Variants in SPIDR observed in about 807,000 individuals in gnomAD.
SPIDR encodes DNA repair-scaffolding protein.
Under a neutral mutation model 104.6 loss-of-function variants are expected in SPIDR, and 93 were observed. That is an observed-to-expected ratio of 0.89 (90% CI 0.75 to 1.06). SPIDR has a LOEUF of 1.06. SPIDR is among the 50% of genes least tolerant of loss of function. The pLI is 0.00. For missense variants in SPIDR, 1,154 were observed against 1,111.2 expected (o/e 1.04, Z -0.55); for synonymous variants, 431 against 416.9 (o/e 1.03, Z -0.41).
chr8:47,479,185 C>T (rs1204475028), intron 8 of SPIDR, among the ~76,000 whole-genome samples: 2 of 151,758 alleles, frequency 1.3e-5, no homozygotes, highest in Non-Finnish European at 1.5e-5. Flanking sequence ...ATGGTAAAAC[C>T]CTGTCTCTAC....
intron 8 of SPIDR, among the ~76,000 whole-genome samples, chr8:47,585,246 T>G (rs2060144272): frequency 6.6e-6 from 1 of 152,142 alleles, no homozygotes; most frequent in African/African-American, 2.4e-5. Context: ...AAAACTTAAG[T>G]TTGTGTAACT....
At chr8:47,319,168 A>G (rs1042635744) in intron 5 of SPIDR, among the ~76,000 whole-genome samples, 2 of 152,238 alleles carry the variant, frequency 1.3e-5, no homozygotes, top group Admixed American at 1.3e-4. Context: ...TAAAGAGTCA[A>G]GACCCATCAG....
chr8:47,610,014 C>A (rs900285526), intron 10 of SPIDR, among the ~76,000 whole-genome samples: 1 of 152,142 alleles, frequency 6.6e-6, no homozygotes, highest in African/African-American at 2.4e-5. Flanking sequence ...TATGTGTAAC[C>A]ACCATTCTAA....
intron 5 of SPIDR, among the ~76,000 whole-genome samples, chr8:47,361,576 G>T (rs1377003593): frequency 1.3e-5 from 2 of 152,216 alleles, no homozygotes; most frequent in African/African-American, 4.8e-5. Context: ...TACAGCAGCT[G>T]GGAACTTGTC....
intron 5 of SPIDR, among the ~76,000 whole-genome samples, chr8:47,298,920 T>G (rs1460391234): frequency 6.6e-6 from 1 of 152,232 alleles, no homozygotes; most frequent in African/African-American, 2.4e-5. Context: ...TGGCTTAGGA[T>G]TGACTTGGCA....
intron 10 of SPIDR, among the ~76,000 whole-genome samples, chr8:47,610,593 G>A (rs752347367): frequency 2.6e-5 from 4 of 152,202 alleles, no homozygotes; most frequent in African/African-American, 4.8e-5. Context: ...GCCAGCTGGC[G>A]GGTTTGGTAG....
intron 8 of SPIDR, among the ~76,000 whole-genome samples, chr8:47,448,376 T>C (rs1399299409): frequency 6.6e-6 from 1 of 152,228 alleles, no homozygotes; most frequent in East Asian, 1.9e-4. Context: ...TGTTGATTTG[T>C]ACATTCATTT....
chr8:47,452,227 T>C (rs1242798650), intron 8 of SPIDR, among the ~76,000 whole-genome samples: 5 of 152,096 alleles, frequency 3.3e-5, no homozygotes, highest in African/African-American at 1.2e-4. Context: ...GCTTATTTCT[T>C]ATCAGAAACT....
intron 10 of SPIDR, among the ~76,000 whole-genome samples, chr8:47,669,645 T>C (rs891932421): frequency 1.1e-4 from 16 of 152,146 alleles, no homozygotes; most frequent in African/African-American, 3.1e-4. Flanking sequence ...ATCAAAAATA[T>C]AGAAACTTTG....
At chr8:47,574,274 TG>T (rs551609587) in intron 8 of SPIDR, among the ~76,000 whole-genome samples, 98 of 152,384 alleles carry the variant, frequency 6.4e-4, no homozygotes, top group African/African-American at 2.3e-3. Flanking sequence ...CATAAATTTT[TG>T]ACTGGAAGTT....
chr8:47,619,821 CTA>C (rs1437688455), intron 10 of SPIDR, among the ~76,000 whole-genome samples: 2 of 152,056 alleles, frequency 1.3e-5, no homozygotes, highest in Admixed American at 1.3e-4. Context: ...AAGAGCAACT[CTA>C]TTAATATTAG....
chr8:47,683,058 C>T (rs999994392), intron 11 of SPIDR, among the ~76,000 whole-genome samples: 1 of 152,176 alleles, frequency 6.6e-6, no homozygotes, highest in Non-Finnish European at 1.5e-5. Context: ...AACCACAAAC[C>T]GTCTGAGAGA....
rs192922231 is a variant in SPIDR at position 47,635,404 on chromosome 8, A to G, written c.1544+36208A>G. On this transcript the variant is annotated intron_variant, in intron 10 of 19. Transcript: ENST00000297423. ...TATTTGTAAAACAATGAAAGGATAA[A>G]TGCTTGAGGGATACCCCATCTACCC... 2.0e-4 allele frequency among the ~76,000 whole-genome samples: 31 copies of G among 152,298 alleles called. No individual in the cohort carries two copies. The East Asian group carries it at 5.8e-3, about 28-fold the overall frequency.
chr8:47,553,865 C>T (rs2090942901), intron 8 of SPIDR, among the ~76,000 whole-genome samples: 1 of 152,158 alleles, frequency 6.6e-6, no homozygotes, highest in Non-Finnish European at 1.5e-5. Flanking sequence ...GCTTTGGTTT[C>T]TCCCCATCTT....
intron 14 of SPIDR, among the ~76,000 whole-genome samples, chr8:47,706,295 G>T (rs1461070982): frequency 2.6e-5 from 4 of 152,062 alleles, no homozygotes; most frequent in Admixed American, 6.6e-5. Flanking sequence ...TGGGAGGCTG[G>T]GGCGGGAGAA....
At chr8:47,261,400 T>G (rs1320014342) in intron 1 of SPIDR, among the ~76,000 whole-genome samples, 1 of 152,178 alleles carries the variant, frequency 6.6e-6, no homozygotes, top group African/African-American at 2.4e-5. Flanking sequence ...ACTCTGTCTC[T>G]CTTCCTGCCG....
intron 10 of SPIDR, among the ~76,000 whole-genome samples, chr8:47,660,173 A>C (rs1028306596): frequency 1.3e-5 from 2 of 152,170 alleles, no homozygotes; most frequent in African/African-American, 4.8e-5. Flanking sequence ...TTATTTTTTT[A>C]TTCCTTGTGA....
chr8:47,450,179 A>T (rs2071440298), intron 8 of SPIDR, among the ~76,000 whole-genome samples: 1 of 152,090 alleles, frequency 6.6e-6, no homozygotes, highest in Admixed American at 6.5e-5. Context: ...AAAGAAAAAA[A>T]TTCATTTGTC....
At chr8:47,481,041 T>G (rs1210885207) in intron 8 of SPIDR, among the ~76,000 whole-genome samples, 1 of 152,200 alleles carries the variant, frequency 6.6e-6, no homozygotes, top group Non-Finnish European at 1.5e-5. Flanking sequence ...ATAGTGATGG[T>G]GGTAATGGCA....
Sources: allele counts gnomAD v4.1 joint callset (sites outside exome capture counted in the v4.1 genomes callset), GRCh38; gene constraint gnomAD v4.1.1; transcripts MANE v1.5; gene names NCBI Gene and HGNC (gene_info 2026-07-23, HGNC 2026-07-21).